Variants in HSDL2 observed in about 807,000 individuals in gnomAD.
HSDL2 encodes the protein hydroxysteroid dehydrogenase like 2, also known as hydroxysteroid dehydrogenase-like protein 2.
In HSDL2, 27 loss-of-function variants were observed where a neutral mutation model predicts 46.3. That is an observed-to-expected ratio of 0.58 (90% CI 0.43 to 0.80). The LOEUF is 0.80. Ranked by LOEUF, HSDL2 falls within the 30% of genes least tolerant of loss-of-function variation. HSDL2 has a pLI of 0.00. For missense variants in HSDL2, 451 were observed against 502.7 expected (o/e 0.90, Z 0.98); for synonymous variants, 153 against 163.6 (o/e 0.94, Z 0.50).
intron 6 of HSDL2, among the ~76,000 whole-genome samples, chr9:112,419,709 C>T (rs1832076714): frequency 6.6e-6 from 1 of 152,148 alleles, no homozygotes; most frequent in African/African-American, 2.4e-5. Flanking sequence ...GCTGGATTAT[C>T]TTTCCTTTCA....
intron 1 of HSDL2, among the ~76,000 whole-genome samples, chr9:112,380,790 T>C (rs1054427546): frequency 1.3e-5 from 2 of 152,092 alleles, no homozygotes; most frequent in Non-Finnish European, 2.9e-5. Flanking sequence ...CTCCAGAACT[T>C]TTTTCATCTG....
At chr9:112,419,305 G>C (rs1057092712) in intron 6 of HSDL2, among the ~76,000 whole-genome samples, 1 of 152,078 alleles carries the variant, frequency 6.6e-6, no homozygotes, top group African/African-American at 2.4e-5. Flanking sequence ...CGCCCGGCCT[G>C]TCCTTGACAC....
chr9:112,400,698 T>C (rs1831570340), intron 1 of HSDL2, among the ~76,000 whole-genome samples: 1 of 152,236 alleles, frequency 6.6e-6, no homozygotes, highest in Non-Finnish European at 1.5e-5. Context: ...GAAATCAAGA[T>C]GTCAGCAGGG....
In HSDL2 at chr9:112,407,376, G is replaced by C. The variant is rs1461041312; in HGVS notation, c.281-1531G>C. ...TTTGGAGAGGACGTAAGGGGAGAAA[G>C]CTGAAGCTTTTCATTCTCCCATATT... On this transcript the variant is annotated intron_variant, in intron 3 of 10. Transcript: ENST00000398805. 2.0e-5 allele frequency among the ~76,000 whole-genome samples: 3 copies of C among 152,262 alleles called. No homozygotes were observed. The East Asian group carries it at 5.8e-4, about 29-fold the overall frequency.
At chr9:112,449,897 A>C (rs896673573) in intron 8 of HSDL2, among the ~76,000 whole-genome samples, 11 of 151,472 alleles carry the variant, frequency 7.3e-5, no homozygotes, top group Non-Finnish European at 1.5e-4. Flanking sequence ...AGAATTGTGC[A>C]ACCATCTGAT....
intron 10 of HSDL2, 66 bp downstream of exon 10, chr9:112,459,643 T>C (rs1833143656): frequency 5.1e-6 from 7 of 1,369,098 alleles, no homozygotes; most frequent in Non-Finnish European, 7.2e-6. Flanking sequence ...CATTTTGCTT[T>C]ATCCCTTCCC....
Position 112,470,618 on chromosome 9 carries a change from T to A in HSDL2, c.*74T>A. 1 of 793,194 alleles carries A rather than the reference T, an allele frequency of 1.3e-6. No individual in the cohort carries two copies. The highest frequency in any genetic ancestry group is 2.0e-6 in the Non-Finnish European group (1 of 489,888). 49.1% of individuals were successfully genotyped at this position (793,194 alleles called of 1,614,324 possible). On this transcript the variant is annotated 3_prime_UTR_variant, in exon 11 of 11. Transcript: ENST00000398805. ...AGCTCAACAGTTAAAATCTAATGTTTGTTTTCTTTCCTGTTATATTATAAG... is the reference window on the plus strand; with the variant it reads ...AGCTCAACAGTTAAAATCTAATGTTAGTTTTCTTTCCTGTTATATTATAAG...
chr9:112,422,271 T>C (rs1832141717), intron 6 of HSDL2, among the ~76,000 whole-genome samples: 1 of 151,550 alleles, frequency 6.6e-6, no homozygotes, highest in South Asian at 2.1e-4. Flanking sequence ...CAAAGAAAAA[T>C]TGCAGTACAG....
intron 6 of HSDL2, among the ~76,000 whole-genome samples, chr9:112,424,599 A>G (rs1484208399): frequency 1.3e-5 from 2 of 151,968 alleles, no homozygotes; most frequent in East Asian, 3.9e-4. Flanking sequence ...AGAGCCCAGC[A>G]ATGCTTTTAA....
At chr9:112,440,113 G>A (rs531073890) in intron 7 of HSDL2, among the ~76,000 whole-genome samples, 7 of 152,244 alleles carry the variant, frequency 4.6e-5, no homozygotes, top group East Asian at 1.9e-4. Context: ...CAGGTCTTCC[G>A]GGTCCTGGTA....
intron 9 of HSDL2, among the ~76,000 whole-genome samples, chr9:112,457,935 T>G (rs1833079467): frequency 6.6e-6 from 1 of 151,980 alleles, no homozygotes; most frequent in African/African-American, 2.4e-5. Context: ...TTCTCTCCAT[T>G]TATTATCTAC....
At chr9:112,442,953 T>C (rs1832673627) in intron 8 of HSDL2, among the ~76,000 whole-genome samples, 1 of 152,168 alleles carries the variant, frequency 6.6e-6, no homozygotes, top group Admixed American at 6.5e-5. Flanking sequence ...GACTTTTTTG[T>C]ATTACAGACA....
At chr9:112,407,038 G>C (rs1001994896) in intron 3 of HSDL2, among the ~76,000 whole-genome samples, 1 of 149,692 alleles carries the variant, frequency 6.7e-6, no homozygotes, top group African/African-American at 2.4e-5. Context: ...TGTTAGCAAG[G>C]CTGTACTTAT....
intron 6 of HSDL2, 110 bp downstream of exon 6, chr9:112,419,068 G>T: frequency 1.9e-6 from 1 of 534,024 alleles, no homozygotes; most frequent in South Asian, 1.7e-5. Context: ...GAGTGCAGTG[G>T]TGTGATCTTG....
intron 9 of HSDL2, among the ~76,000 whole-genome samples, chr9:112,457,312 T>C (rs549815547): frequency 6.6e-6 from 1 of 152,320 alleles, no homozygotes; most frequent in Admixed American, 6.5e-5. Flanking sequence ...AAGCAGTCTC[T>C]GCCCCTTGGT....
intron 4 of HSDL2, among the ~76,000 whole-genome samples, chr9:112,416,618 C>T (rs1188944664): frequency 8.7e-6 from 1 of 114,856 alleles, no homozygotes; most frequent in Non-Finnish European, 1.8e-5. Context: ...CAGAAATTAG[C>T]TGGGCATGGT....
intron 6 of HSDL2, among the ~76,000 whole-genome samples, chr9:112,422,951 C>A (rs562771648): frequency 1.6e-4 from 24 of 152,256 alleles, no homozygotes; most frequent in African/African-American, 5.5e-4. Flanking sequence ...GTTGCTGATA[C>A]AAAGGGACTC....
At position 112,380,186 on chromosome 9, in the gene HSDL2, G is replaced by A. The variant is rs563533002; in HGVS notation, c.17+6G>A. The A allele has an allele frequency of 2.5e-6, 4 of 1,569,626 alleles. No individual in the cohort carries two copies. Among genetic ancestry groups the A allele is most frequent in the African/African-American group, 1.4e-5 (1 of 73,394 alleles). ...GTCATGTTACCCAACACCGGGTAAG[G>A]GGGTAGGGGCGGCGCGGGGAGAGAC... On this transcript the variant is annotated splice_donor_region_variant and intron_variant, in intron 1 of 10. Coordinates refer to ENST00000398805, the MANE Select transcript of HSDL2 (RefSeq NM_032303.5).
At chr9:112,393,392 C>T (rs1462396045) in intron 1 of HSDL2, among the ~76,000 whole-genome samples, 1 of 152,224 alleles carries the variant, frequency 6.6e-6, no homozygotes, top group Non-Finnish European at 1.5e-5. Context: ...TCCAGTCACA[C>T]TGCACTTGCA....
Sources: gnomAD v4.1 joint callset for allele counts (sites outside exome capture counted in the v4.1 genomes callset) on GRCh38, gnomAD v4.1.1 for gene constraint, MANE v1.5 for transcripts, NCBI Gene and HGNC (gene_info 2026-07-23, HGNC 2026-07-21) for gene names.